The following ZC3H12B variants were observed in gnomAD, a reference collection of about 807,000 sequenced individuals.
ZC3H12B encodes the protein probable ribonuclease ZC3H12B.
Under a neutral mutation model 43.9 loss-of-function variants are expected in ZC3H12B, and 7 were observed. That is an observed-to-expected ratio of 0.16 (90% CI 0.09 to 0.30). The LOEUF is 0.30. Among genes scored for constraint, ZC3H12B ranks in the 10% least tolerant of loss-of-function variants. The pLI is 1.00. For missense variants in ZC3H12B, 475 were observed against 670.2 expected, an observed-to-expected ratio of 0.71 and a Z score of 3.22; for synonymous variants, 222 against 241.7, an observed-to-expected ratio of 0.92 and a Z score of 0.76.
the ZC3H12B span, among the ~76,000 whole-genome samples, chrX:65,310,235 G>T: frequency 8.9e-6 from 1 of 111,808 alleles, no homozygotes; most frequent in African/African-American, 3.3e-5. Flanking sequence ...TGATGTGATT[G>T]TATAATTTAG....
chrX:65,159,294 A>G, the ZC3H12B span, among the ~76,000 whole-genome samples: 2 of 111,628 alleles, frequency 1.8e-5, no homozygotes, highest in African/African-American at 6.5e-5. Flanking sequence ...GTTTTTTCCA[A>G]TTCTGTGAAG....
At chrX:65,231,497 C>T in the ZC3H12B span, among the ~76,000 whole-genome samples, 1 of 110,800 alleles carries the variant, frequency 9.0e-6, no homozygotes, top group Non-Finnish European at 1.9e-5. Flanking sequence ...ATCTTAACCG[C>T]GTATCTCAAT....
At chrX:65,477,476 T>A (rs2068009054) in intron 3 of ZC3H12B, among the ~76,000 whole-genome samples, 1 of 111,483 alleles carries the variant, frequency 9.0e-6, no homozygotes, top group South Asian at 3.8e-4. Context: ...GTTCCAAAAT[T>A]TGATGGAAAA....
rs771827004 is a variant in ZC3H12B, at chrX:65,430,513, G to A, written n.407+31809G>A. On this transcript the variant is annotated intron_variant and non_coding_transcript_variant, in intron 3 of 5. Transcript: ENST00000617377. Reference sequence around the variant, plus strand: ...CCCCCCTCCCCCCACCCCACAACAGGCCTCGGTGTGTGATGTTCCCCTTCC... The same window carrying A: ...CCCCCCTCCCCCCACCCCACAACAGACCTCGGTGTGTGATGTTCCCCTTCC... Among the ~76,000 whole-genome samples, 438 of 67,446 alleles carry A rather than the reference G, an allele frequency of 6.5e-3. 5 individuals are homozygous for A. Among genetic ancestry groups the A allele is most frequent in the African/African-American group, 0.027 (423 of 15,449 alleles). The allele number at this position is 67,446 out of a possible 115,157, so 58.6% of individuals were successfully genotyped here.
the ZC3H12B span, among the ~76,000 whole-genome samples, chrX:65,128,955 T>A: frequency 9.0e-6 from 1 of 111,426 alleles, no homozygotes; most frequent in Non-Finnish European, 1.9e-5. Context: ...GATTATCCTG[T>A]AGGTGGCATA....
chrX:65,107,712 G>A, the ZC3H12B span, among the ~76,000 whole-genome samples: 1 of 110,840 alleles, frequency 9.0e-6, no homozygotes, highest in Non-Finnish European at 1.9e-5. Flanking sequence ...TTTATAAGGG[G>A]CTTTCCCCCT....
At chrX:65,135,087 G>T in the ZC3H12B span, among the ~76,000 whole-genome samples, 49 of 111,258 alleles carry the variant, frequency 4.4e-4, no homozygotes, top group Non-Finnish European at 7.2e-4. Context: ...GGGCTCAGAG[G>T]CCTGACAATA....
rs1002446938 is a variant in ZC3H12B, at chrX:65,482,452, C to A, written n.408-6194C>A. Among the ~76,000 whole-genome samples the A allele has an allele frequency of 3.1e-4, 35 of 111,929 alleles. 1 individual carries two copies. The highest frequency in any genetic ancestry group is 9.5e-5 in the Admixed American group (1 of 10,542). On this transcript the variant is annotated intron_variant and non_coding_transcript_variant, in intron 3 of 5. Transcript: ENST00000617377. ...GCCAGAGAACACACATTCACTGAAC[C>A]CTTACTCTAGCAGAGACCGTCTCCT...
chrX:65,158,757 G>A, the ZC3H12B span, among the ~76,000 whole-genome samples: 1 of 111,652 alleles, frequency 9.0e-6, no homozygotes, highest in South Asian at 3.7e-4. Flanking sequence ...CTTTTGCTGT[G>A]CAGAAGCTCT....
chrX:65,228,559 A>G, the ZC3H12B span, among the ~76,000 whole-genome samples: 1 of 110,967 alleles, frequency 9.0e-6, no homozygotes, highest in South Asian at 3.9e-4. Context: ...GAAGGAAATA[A>G]AGGGTATTCA....
chrX:65,492,157 T>C (rs776079434), intron 1 of ZC3H12B, among the ~76,000 whole-genome samples: 28 of 110,713 alleles, frequency 2.5e-4, no homozygotes, highest in Non-Finnish European at 4.2e-4. Context: ...TTGGTTTGGT[T>C]TGGTTTGGTC....
chrX:65,094,765 G>C, the ZC3H12B span, among the ~76,000 whole-genome samples: 1 of 111,866 alleles, frequency 8.9e-6, no homozygotes, highest in African/African-American at 3.2e-5. Flanking sequence ...TTTTGACCTG[G>C]AGTACATAGT....
the ZC3H12B span, among the ~76,000 whole-genome samples, chrX:65,260,972 G>T: frequency 8.9e-6 from 1 of 111,827 alleles, no homozygotes; most frequent in Non-Finnish European, 1.9e-5. Context: ...CCATAGCACA[G>T]TGCCTGTTAT....
At chrX:65,093,470 G>T in the ZC3H12B span, among the ~76,000 whole-genome samples, 1 of 112,069 alleles carries the variant, frequency 8.9e-6, no homozygotes, top group African/African-American at 3.2e-5. Context: ...CTTGAGAGCC[G>T]CTGTGTGGAC....
At chrX:65,233,703 C>G in the ZC3H12B span, among the ~76,000 whole-genome samples, 1 of 109,635 alleles carries the variant, frequency 9.1e-6, no homozygotes, top group Non-Finnish European at 1.9e-5. Flanking sequence ...AAAAGGAGAG[C>G]AAAGCAAACC....
chrX:65,507,402 A>C (rs927047316), exon 5 of ZC3H12B: 2 of 112,461 alleles, frequency 1.8e-5, no homozygotes, highest in African/African-American at 6.5e-5. Context: ...GAAACAAACA[A>C]GTGTATTTCT....
At chrX:65,456,960 C>T (rs1264485383) in intron 3 of ZC3H12B, among the ~76,000 whole-genome samples, 12 of 103,490 alleles carry the variant, frequency 1.2e-4, no homozygotes, top group South Asian at 9.7e-4. Context: ...AAGTGAGGAG[C>T]GTCTCTGCCT....
chrX:65,131,480 G>A, the ZC3H12B span, among the ~76,000 whole-genome samples: 13 of 111,583 alleles, frequency 1.2e-4, no homozygotes, highest in Non-Finnish European at 2.1e-4. Flanking sequence ...CTTTGGCTCT[G>A]TGTAATGAAA....
the ZC3H12B span, among the ~76,000 whole-genome samples, chrX:65,350,746 G>A: frequency 1.5e-4 from 17 of 111,284 alleles, no homozygotes; most frequent in Non-Finnish European, 2.4e-4. Context: ...AAAATACATA[G>A]GAATACAACT....
Sources: allele counts gnomAD v4.1 joint callset (sites outside exome capture counted in the v4.1 genomes callset), GRCh38; gene constraint gnomAD v4.1.1; transcripts MANE v1.5; gene names NCBI Gene and HGNC (gene_info 2026-07-23, HGNC 2026-07-21).